The following ZBTB40 variants were observed in gnomAD, a reference collection of about 807,000 sequenced individuals.
ZBTB40 encodes zinc finger and BTB domain-containing protein 40.
Under a neutral mutation model 117.5 loss-of-function variants are expected in ZBTB40, and 60 were observed. That is an observed-to-expected ratio of 0.51 (90% CI 0.41 to 0.63). ZBTB40 has a LOEUF of 0.63. Ranked by LOEUF, ZBTB40 falls within the 30% of genes least tolerant of loss-of-function variation. ZBTB40 has a pLI of 0.00. For missense variants in ZBTB40, 1,287 were observed against 1,498.5 expected (o/e 0.86, Z 2.33); for synonymous variants, 525 against 577.1 (o/e 0.91, Z 1.29).
intron 1 of ZBTB40, among the ~76,000 whole-genome samples, chr1:22,431,246 A>G (rs1462768617): frequency 6.8e-6 from 1 of 146,828 alleles, no homozygotes; most frequent in Non-Finnish European, 1.5e-5. Flanking sequence ...TATAGTATGC[A>G]TATACAATAT....
intron 1 of ZBTB40, among the ~76,000 whole-genome samples, chr1:22,452,258 C>T (rs1337236010): frequency 6.6e-6 from 1 of 152,164 alleles, no homozygotes; most frequent in Non-Finnish European, 1.5e-5. Flanking sequence ...CAGGCCCGAC[C>T]TGACACCGCC....
chr1:22,502,156 G>A (rs1418152676), intron 4 of ZBTB40, 143 bp from the exon 5 acceptor site: 2 of 961,190 alleles, frequency 2.1e-6, no homozygotes. Flanking sequence ...ATTTTCCTCT[G>A]TAAAAGCGAT....
intron 9 of ZBTB40, among the ~76,000 whole-genome samples, chr1:22,510,857 G>A (rs533268041): frequency 7.2e-4 from 110 of 152,276 alleles, no homozygotes; most frequent in Non-Finnish European, 1.4e-3. Flanking sequence ...TTAGTATTAA[G>A]ATCCAGAAAA....
intron 16 of ZBTB40, among the ~76,000 whole-genome samples, chr1:22,522,767 TTA>T (rs1219684569): frequency 6.5e-5 from 8 of 123,820 alleles, no homozygotes; most frequent in African/African-American, 2.2e-4. Context: ...TATACCATTT[TTA>T]TTTTTTTTTT....
At chr1:22,498,218 T>G (rs761516863) in intron 3 of ZBTB40, among the ~76,000 whole-genome samples, 1 of 152,236 alleles carries the variant, frequency 6.6e-6, no homozygotes, top group Non-Finnish European at 1.5e-5. Context: ...AATTAAGAGT[T>G]AGTTCCAAAT....
At chr1:22,500,037 A>G (rs1638885022) in intron 3 of ZBTB40, among the ~76,000 whole-genome samples, 1 of 152,224 alleles carries the variant, frequency 6.6e-6, no homozygotes, top group South Asian at 2.1e-4. Context: ...TCAAAGGTAG[A>G]TTGTAGTTTT....
chr1:22,448,668 G>A (rs559504211), upstream of ZBTB40, among the ~76,000 whole-genome samples: 1 of 152,204 alleles, frequency 6.6e-6, no homozygotes, highest in South Asian at 2.1e-4. Context: ...GGGTAAAAAT[G>A]TTACCTACTT....
Position 22,490,293 on chromosome 1 carries a change from C to G in ZBTB40, c.345C>G (p.Ser115Arg), listed in dbSNP as rs562984834. The change falls in exon 2 of 18, where the codon AGC becomes AGG. Residue 115 changes from serine to arginine, a missense_variant. Around this residue, in one of 2 missense-constraint regions of ZBTB40, gnomAD observed 870 missense variants for 934.4 expected, o/e 0.93. Coordinates refer to ENST00000375647, the MANE Select transcript of ZBTB40 (RefSeq NM_014870.4). ...VAVSCKNLLT[S>R]LVNCSVQGQV... ...TTAGCTGCAAAAATCTTCTGACCAG[C>G]CTTGTAAACTGCTCGGTTCAGGGTC... is the stretch of plus-strand genomic sequence containing the variant. 10 of 1,614,180 alleles carry G rather than the reference C, an allele frequency of 6.2e-6. No homozygotes were observed. In the African/African-American group the frequency reaches 1.3e-4, roughly 22 times the overall value.
intron 1 of ZBTB40, among the ~76,000 whole-genome samples, chr1:22,445,870 AC>A (rs371041525): frequency 0.015 from 2,169 of 140,548 alleles, 36 homozygotes; most frequent in African/African-American, 0.049. Context: ...AAAAAAAAAA[AC>A]AAAAAACTGA....
intron 1 of ZBTB40, among the ~76,000 whole-genome samples, chr1:22,483,859 A>G (rs953714373): frequency 6.6e-6 from 1 of 152,150 alleles, no homozygotes; most frequent in African/African-American, 2.4e-5. Context: ...TCCTATGTTA[A>G]CTTCTAGGAA....
At chr1:22,517,505 T>G (rs72873547) in intron 13 of ZBTB40, 41 bp downstream of exon 13, 21,399 of 1,594,756 alleles carry the variant, frequency 0.013, 651 homozygotes, top group Admixed American at 0.098. Context: ...AGTGCCAGCC[T>G]GGCACTGGGA....
intron 1 of ZBTB40, among the ~76,000 whole-genome samples, chr1:22,454,902 G>A (rs1488027973): frequency 6.6e-6 from 1 of 152,216 alleles, no homozygotes; most frequent in African/African-American, 2.4e-5. Flanking sequence ...ACTTTATAAA[G>A]TGCTAACTAA....
At chr1:22,440,777 T>C (rs1414518096) in intron 1 of ZBTB40, among the ~76,000 whole-genome samples, 1 of 152,194 alleles carries the variant, frequency 6.6e-6, no homozygotes, top group Non-Finnish European at 1.5e-5. Flanking sequence ...ATGTGGTATA[T>C]TACATTGAGC....
intron 1 of ZBTB40, among the ~76,000 whole-genome samples, chr1:22,435,186 A>C (rs1379429703): frequency 1.3e-5 from 2 of 151,890 alleles, no homozygotes; most frequent in Non-Finnish European, 1.5e-5. Context: ...TTTTTTATAG[A>C]GATTGGGTCT....
intron 1 of ZBTB40, 108 bp from the exon 2 acceptor site, chr1:22,489,772 T>G: frequency 1.5e-6 from 1 of 677,768 alleles, no homozygotes; most frequent in Non-Finnish European, 2.6e-6. Context: ...TAAGCAATAT[T>G]TGTTGGATGA....
chr1:22,508,823 C>G, intron 8 of ZBTB40, 92 bp downstream of exon 8: 1 of 1,310,088 alleles, frequency 7.6e-7, no homozygotes. Flanking sequence ...TAACGGTAGT[C>G]ACCTACATCC....
intron 9 of ZBTB40, 55 bp downstream of exon 9, chr1:22,509,288 A>G (rs192585160): frequency 3.7e-6 from 6 of 1,611,606 alleles, no homozygotes; most frequent in Admixed American, 3.3e-5. Flanking sequence ...GTTGCCTGGG[A>G]CTGTCTTCAT....
At chr1:22,449,422 T>A (rs933329419), upstream of ZBTB40, among the ~76,000 whole-genome samples, 4 of 152,202 alleles carry the variant, frequency 2.6e-5, no homozygotes, top group Non-Finnish European at 4.4e-5. Context: ...ATTGTCTTCT[T>A]ATTCTTCCAT....
At chr1:22,470,122 C>T (rs1641365433) in intron 1 of ZBTB40, among the ~76,000 whole-genome samples, 1 of 152,166 alleles carries the variant, frequency 6.6e-6, no homozygotes, top group Non-Finnish European at 1.5e-5. Context: ...AGCTCAGAAA[C>T]CTGGATCCTG....
Sources: allele counts gnomAD v4.1 joint callset (sites outside exome capture counted in the v4.1 genomes callset), GRCh38; gene constraint gnomAD v4.1.1; regional missense constraint gnomAD v4.1.1; transcripts MANE v1.5; gene names NCBI Gene and HGNC (gene_info 2026-07-23, HGNC 2026-07-21).